The following FHDC1 variants were observed in gnomAD, a reference collection of about 807,000 sequenced individuals.
FHDC1 encodes the protein FH2 domain containing 1.
Under a neutral mutation model 52.6 loss-of-function variants are expected in FHDC1, and 25 were observed. That is an observed-to-expected ratio of 0.48 (90% CI 0.35 to 0.66). The LOEUF (loss-of-function observed/expected upper bound fraction) is 0.66. FHDC1 is among the 30% of genes least tolerant of loss of function. The probability of loss-of-function intolerance (pLI) is 0.01; values close to 1 mark genes in which losing one functional copy is unlikely to be tolerated. For missense variants in FHDC1, 1,459 were observed against 1,452.8 expected, an observed-to-expected ratio of 1.00 and a Z score of -0.07; for synonymous variants, 616 against 581.5, an observed-to-expected ratio of 1.06 and a Z score of -0.85.
upstream of FHDC1, among the ~76,000 whole-genome samples, chr4:152,931,955 A>AAC (rs1739261074): frequency 1.7e-5 from 2 of 118,912 alleles, no homozygotes; most frequent in African/African-American, 2.8e-5. Context: ...AAAAAAAAAA[A>AAC]AAAAAAAAAC....
chr4:152,968,418 C>T (rs767030582), intron 10 of FHDC1, among the ~76,000 whole-genome samples: 24 of 151,878 alleles, frequency 1.6e-4, no homozygotes, highest in Non-Finnish European at 2.9e-4. Flanking sequence ...CTCCGCCTCC[C>T]TAGTTCAAGC....
the FHDC1 span, among the ~76,000 whole-genome samples, chr4:152,915,026 A>T: frequency 6.6e-6 from 1 of 152,148 alleles, no homozygotes; most frequent in East Asian, 1.9e-4. Flanking sequence ...TAAATTATTT[A>T]TATATGCTAC....
At chr4:152,932,712 T>G (rs546247248), upstream of FHDC1, among the ~76,000 whole-genome samples, 52 of 152,350 alleles carry the variant, frequency 3.4e-4, no homozygotes, top group Middle Eastern at 3.4e-3. Flanking sequence ...AGTAAAGATC[T>G]CAGTCTGTAC....
rs1357732336 is a variant in FHDC1 at position 152,978,203 on chromosome 4, G to A, written c.*1480G>A. The A allele has an allele frequency of 1.3e-5, 2 of 152,236 alleles. No homozygotes were observed. Among genetic ancestry groups the A allele is most frequent in the Non-Finnish European group, 2.9e-5 (2 of 68,062 alleles). 9.4% of individuals were successfully genotyped at this position (152,236 alleles called of 1,614,324 possible). A position where few individuals can be genotyped will look rare whatever the true frequency, so the allele number is the denominator to read the frequency against. The stretch of plus-strand genomic sequence containing the variant: ...CCCATGTTCCTCCATTCGTGTGTCT[G>A]TTATAAAACTGAGTGAAGGCTGCTA... On this transcript the variant is annotated 3_prime_UTR_variant, in exon 12 of 12. Coordinates refer to ENST00000511601, the MANE Select transcript of FHDC1 (RefSeq NM_001371116.1).
At chr4:152,968,723 G>A (rs1740543629) in intron 10 of FHDC1, among the ~76,000 whole-genome samples, 2 of 152,192 alleles carry the variant, frequency 1.3e-5, no homozygotes, top group African/African-American at 4.8e-5. Context: ...GTGGTGAACT[G>A]GTATCAGCCA....
intron 8 of FHDC1, 59 bp downstream of exon 8, chr4:152,963,189 A>T: frequency 7.0e-7 from 1 of 1,429,622 alleles, no homozygotes; most frequent in Non-Finnish European, 9.8e-7. Context: ...GAGGCAGTGA[A>T]GTTTTTCCCA....
At chr4:152,921,045 AG>A in the FHDC1 span, among the ~76,000 whole-genome samples, 5 of 152,060 alleles carry the variant, frequency 3.3e-5, no homozygotes, top group Non-Finnish European at 7.4e-5. Flanking sequence ...TTTTATTCTA[AG>A]GCAGAAATCT....
intron 2 of FHDC1, among the ~76,000 whole-genome samples, chr4:152,952,119 C>T (rs4696368): frequency 0.47 from 71,044 of 151,962 alleles, 17,259 homozygotes; most frequent in South Asian, 0.69. Flanking sequence ...TGTGAGTAAA[C>T]AAAATGTAGG....
Position 152,974,815 on chromosome 4 carries a change from C to T in FHDC1, c.1524C>T (p.Thr508=), listed in dbSNP as rs201247247. Residue 508 remains threonine (T), a synonymous_variant, in exon 12 of 12, where the codon ACC becomes ACT. Transcript: ENST00000511601. ...GTGAGAATGATGTGGAGCTGCTGAC[C>T]AAGAAGGGTGCAGAGGGCCTGCTCC... The part of the protein sequence containing the change: ...SSSENDVELL[T]KKGAEGLLPF... 4 of 1,578,136 alleles carry T rather than the reference C, an allele frequency of 2.5e-6. No individual in the cohort carries two copies. The highest frequency in any genetic ancestry group is 2.7e-5 in the African/African-American group (2 of 74,164).
chr4:152,943,441 A>C lies in FHDC1; in HGVS notation c.384A>C (p.Gln128His), dbSNP rs1189202187. 6.2e-7 allele frequency: 1 copy of C among 1,613,934 alleles called. No individual in the cohort carries two copies. The highest frequency in any genetic ancestry group is 8.5e-7 in the Non-Finnish European group (1 of 1,180,004). The change falls in exon 2 of 12, where the codon CAA becomes CAC. Residue 128 changes from glutamine to histidine, a missense_variant. By Grantham distance (24) the Gln-to-His change is conservative (BLOSUM62 0). Coordinates refer to ENST00000511601, the MANE Select transcript of FHDC1 (RefSeq NM_001371116.1). Reference protein sequence around the residue: ...TLAARQEHHYQIDTKTIEELF... With the variant: ...TLAARQEHHYHIDTKTIEELF... ...CAGCCAGGCAGGAACATCACTACCA[A>C]ATTGATACAAAGACCATTGAGGAGC...
intron 3 of FHDC1, among the ~76,000 whole-genome samples, 200 bp downstream of exon 3, chr4:152,953,760 G>C (rs1739997337): frequency 6.6e-6 from 1 of 152,214 alleles, no homozygotes. Flanking sequence ...GAAGTATATG[G>C]AGAATTGCCC....
At chr4:152,968,175 G>T (rs1740523475) in intron 10 of FHDC1, 78 bp downstream of exon 10, 1 of 985,450 alleles carries the variant, frequency 1.0e-6, no homozygotes, top group Non-Finnish European at 1.5e-6. Flanking sequence ...TTGCATGGGT[G>T]TATTTGTGGA....
intron 4 of FHDC1, 36 bp downstream of exon 4, chr4:152,954,355 A>C: frequency 6.5e-7 from 1 of 1,544,100 alleles, no homozygotes; most frequent in Non-Finnish European, 9.0e-7. Context: ...AGATGTTAGG[A>C]GTGATCATAA....
chr4:152,976,410 T>C lies in FHDC1; in HGVS notation c.3119T>C (p.Val1040Ala). 1 of 1,613,708 alleles carries C rather than the reference T, an allele frequency of 6.2e-7. No individual in the cohort carries two copies. The highest frequency in any genetic ancestry group is 8.5e-7 in the Non-Finnish European group (1 of 1,180,008). ...GTCCCGAGCTTTGCCCGGAACACAG[T>C]GGCCTCCTCCTCTCGAAGCATGAGA... is the stretch of plus-strand genomic sequence containing the variant. Reference protein sequence around the residue: ...PRVPSFARNTVASSSRSMRTD... With the variant: ...PRVPSFARNTAASSSRSMRTD... Residue 1040 changes from valine to alanine, a missense_variant, in exon 12 of 12, where the codon GTG becomes GCG. Physicochemically the swap from Val to Ala is moderately conservative, Grantham distance 64. Coordinates refer to ENST00000511601, the MANE Select transcript of FHDC1 (RefSeq NM_001371116.1).
chr4:152,975,625 C>G lies in FHDC1; in HGVS notation c.2334C>G (p.Asp778Glu). 1 of 1,613,666 alleles carries G rather than the reference C, an allele frequency of 6.2e-7. No individual in the cohort carries two copies. The highest frequency in any genetic ancestry group is 8.5e-7 in the Non-Finnish European group (1 of 1,180,022). The change falls in exon 12 of 12, where the codon GAC becomes GAG. Residue 778 changes from aspartate (D) to glutamate (E), a missense_variant. Around this residue, in one of 3 missense-constraint regions of FHDC1, gnomAD observed 939 missense variants for 854.5 expected, o/e 1.10. Coordinates refer to ENST00000511601, the MANE Select transcript of FHDC1 (RefSeq NM_001371116.1). ...TGTTCTGCATCTCGGACACCACCGA[C>G]TGCTCACTGACCCTGGACTGCTCAG... ...RPLFCISDTT[D>E]CSLTLDCSEG...
Position 152,975,073 on chromosome 4 carries a change from G to C in FHDC1, c.1782G>C (p.Gln594His). Residue 594 changes from glutamine (Q) to histidine (H), a missense_variant, in exon 12 of 12, where the codon CAG (glutamine) becomes CAC (histidine). Gln to His is a conservative substitution (Grantham distance 24, BLOSUM62 0). This residue lies in a region of FHDC1 where 939 missense variants were observed against 854.5 expected (regional missense o/e 1.10). Transcript: ENST00000511601. ...TGGAGCCTGCAGAAGTGAGGCACCA[G>C]GACTCCAGCTTTGCACACAAACCTC... ...ACLEPAEVRH[Q>H]DSSFAHKPQA... is the part of the protein sequence containing the mutation. 1 of 1,612,484 alleles carries C rather than the reference G, an allele frequency of 6.2e-7. No individual in the cohort carries two copies. Among genetic ancestry groups the C allele is most frequent in the Non-Finnish European group, 8.5e-7 (1 of 1,179,732 alleles).
the FHDC1 span, among the ~76,000 whole-genome samples, chr4:152,929,263 CA>C: frequency 1.3e-5 from 2 of 152,140 alleles, no homozygotes; most frequent in African/African-American, 4.8e-5. This position sits in a 1 kb window ranked among gnomAD's most constrained non-coding sequence, Gnocchi z 4.1. Flanking sequence ...ACACAACTTA[CA>C]TGTGAGAGGG....
intron 1 of FHDC1, 77 bp from the exon 2 acceptor site, chr4:152,942,851 A>G (rs949176481): frequency 3.7e-5 from 21 of 573,096 alleles, no homozygotes; most frequent in Admixed American, 6.8e-5. Context: ...GGGAGGATTG[A>G]TACTAGCCTC....
chr4:152,914,006 AT>A, the FHDC1 span, among the ~76,000 whole-genome samples: 2 of 152,072 alleles, frequency 1.3e-5, no homozygotes, highest in African/African-American at 4.8e-5. Flanking sequence ...TTTTAACCAA[AT>A]TTAGGTATTT....
Sources: gnomAD v4.1 joint callset for allele counts (sites outside exome capture counted in the v4.1 genomes callset) on GRCh38, gnomAD v4.1.1 for gene constraint, gnomAD v4.1.1 regional missense constraint, Gnocchi (gnomAD v3.1) non-coding constraint, MANE v1.5 for transcripts, NCBI Gene and HGNC (gene_info 2026-07-23, HGNC 2026-07-21) for gene names.